Variants in P3H3 observed in about 807,000 individuals in gnomAD.
The protein encoded by P3H3 is prolyl 3-hydroxylase 3.
In P3H3, 64 loss-of-function variants were observed where a neutral mutation model predicts 78.1. The ratio of observed to expected loss-of-function variants is 0.82; its 90% confidence interval spans 0.67 to 1.01. The LOEUF is 1.01. Among genes scored for constraint, P3H3 ranks in the 50% least tolerant of loss-of-function variants. P3H3 has a pLI of 0.00. For missense variants in P3H3, 975 were observed against 982.2 expected, an observed-to-expected ratio of 0.99 and a Z score of 0.10; for synonymous variants, 425 against 416.7, an observed-to-expected ratio of 1.02 and a Z score of -0.24.
chr12:6,830,680 G>C lies in P3H3; in HGVS notation c.895G>C (p.Gly299Arg). ...CCTGCAGTGCCGGCAACGCTGTGTG[G>C]GGGAAACAGCCACACGCCCTGGTCG... ...QVLQCRQRCV[G>R]ETATRPGRSF... Residue 299 changes from glycine (G) to arginine (R), a missense_variant, in exon 4 of 15, where the codon GGG becomes CGG. Transcript: ENST00000290510. The C allele has an allele frequency of 2.5e-6, 4 of 1,613,568 alleles. No homozygotes were observed. The highest frequency in any genetic ancestry group is 3.4e-6 in the Non-Finnish European group (4 of 1,179,718).
At position 6,828,477 on chromosome 12, in the gene P3H3, C is replaced by T. The variant is rs1469908641; in HGVS notation, c.37C>T (p.Leu13=). 3.9e-6 allele frequency: 5 copies of T among 1,279,582 alleles called. No homozygotes were observed. The highest frequency in any genetic ancestry group is 5.2e-6 in the Non-Finnish European group (5 of 953,128). 79.3% of individuals were successfully genotyped at this position (1,279,582 alleles called of 1,614,324 possible). The change falls in exon 1 of 15, where the codon CTG becomes TTG. Residue 13 remains leucine (L), a synonymous_variant. Coordinates refer to ENST00000290510, the MANE Select transcript of P3H3 (RefSeq NM_014262.5). ...CCTCCGGCCGCTGCTGCTACTGCTG[C>T]TGCTGCCTCCCCCGGGGTCCCCTGA... is the stretch of plus-strand genomic sequence containing the variant. The part of the protein sequence containing the change: ...RLLRPLLLLL[L]LPPPGSPEPP...
intron 9 of P3H3, among the ~76,000 whole-genome samples, chr12:6,836,714 C>T (rs1943501161): frequency 6.6e-6 from 1 of 152,170 alleles, no homozygotes; most frequent in Admixed American, 6.5e-5. Context: ...TCTCAGAGGC[C>T]CCCTTACTGC....
In P3H3 at chr12:6,829,025, C is replaced by A; in HGVS notation, c.498+87C>A. 1 of 834,086 alleles carries A rather than the reference C, an allele frequency of 1.2e-6. No homozygotes were observed. Among genetic ancestry groups the A allele is most frequent in the Non-Finnish European group, 1.6e-6 (1 of 624,670 alleles). 51.7% of individuals were successfully genotyped at this position (834,086 alleles called of 1,614,324 possible). ...GCGTTGCCCAGGAGTAGGCGGAATG[C>A]TGTTGCCCGGGCCCCGCACGGGGCT... is the stretch of plus-strand genomic sequence containing the variant. On this transcript the variant is annotated intron_variant, in intron 1 of 14. Transcript: ENST00000290510. The surrounding 1 kb of genome is among the most constrained non-coding windows in gnomAD (Gnocchi z 5.1).
intron 13 of P3H3, 92 bp from the exon 14 acceptor site, chr12:6,838,908 T>C (rs782094214): frequency 1.5e-5 from 17 of 1,137,538 alleles, no homozygotes; most frequent in Non-Finnish European, 2.1e-5. Flanking sequence ...TGATCCTCTC[T>C]GTGCCCCTGT....
rs1281690931 is a variant in P3H3, at chr12:6,828,458, G to T, written c.18G>T (p.Arg6=). The part of the protein sequence containing the change: MLRLL[R]PLLLLLLLPP... ...CCGACATCATGCTCCGGCTCCTCCG[G>T]CCGCTGCTGCTACTGCTGCTGCTGC... Residue 6 remains arginine, a synonymous_variant, in exon 1 of 15, where the codon CGG becomes CGT. Coordinates refer to ENST00000290510, the MANE Select transcript of P3H3 (RefSeq NM_014262.5). 8.9e-7 allele frequency: 1 copy of T among 1,117,852 alleles called. No homozygotes were observed. The highest frequency in any genetic ancestry group is 1.6e-5 in the African/African-American group (1 of 61,618). 69.2% of individuals were successfully genotyped at this position (1,117,852 alleles called of 1,614,324 possible).
intron 14 of P3H3, 60 bp from the exon 15 acceptor site, chr12:6,839,237 T>C: frequency 6.4e-7 from 1 of 1,565,720 alleles, no homozygotes; most frequent in Non-Finnish European, 8.7e-7. Context: ...GGTCAGGGGC[T>C]GAGCTGACCC....
Position 6,837,567 on chromosome 12 carries a change from A to G in P3H3, c.1705A>G (p.Ile569Val), listed in dbSNP as rs782184510. 2.5e-6 allele frequency: 4 copies of G among 1,612,006 alleles called. No individual in the cohort carries two copies. The highest frequency in any genetic ancestry group is 1.3e-5 in the African/African-American group (1 of 74,808). The change falls in exon 11 of 15, where the codon ATA becomes GTA. Residue 569 changes from isoleucine (I) to valine (V), a missense_variant. Ile to Val is a conservative substitution (Grantham distance 29). Transcript: ENST00000290510. ...CACCCACCTGGTGTGCCGCAGCGCC[A>G]TAGAAGGTACGACAGGGACCCCCCA... ...SFTHLVCRSA[I>V]EGEQEQRMDL...
intron 13 of P3H3, among the ~76,000 whole-genome samples, chr12:6,838,746 G>A (rs782432167): frequency 6.6e-6 from 1 of 152,130 alleles, no homozygotes; most frequent in Non-Finnish European, 1.5e-5. Flanking sequence ...GGGTACCAGG[G>A]GTCAGGAACC....
chr12:6,838,771 C>T (rs1202398912), intron 13 of P3H3, among the ~76,000 whole-genome samples: 1 of 152,160 alleles, frequency 6.6e-6, no homozygotes, highest in Non-Finnish European at 1.5e-5. Context: ...GGAGACCATC[C>T]GTGGAGACCC....
intron 7 of P3H3, 36 bp from the exon 8 acceptor site, chr12:6,833,706 C>T (rs1555121725): frequency 3.7e-6 from 6 of 1,600,598 alleles, no homozygotes; most frequent in Admixed American, 3.3e-5. Context: ...TCTGGACTGT[C>T]CTGGGCACCC....
At position 6,838,023 on chromosome 12, in the gene P3H3, T is replaced by G; in HGVS notation, c.1895T>G (p.Leu632Arg). 6.2e-7 allele frequency: 1 copy of G among 1,605,148 alleles called. No individual in the cohort carries two copies. The highest frequency in any genetic ancestry group is 2.2e-5 in the East Asian group (1 of 44,546). The change falls in exon 13 of 15, where the codon CTC becomes CGC. Residue 632 changes from leucine to arginine, a missense_variant. Leu to Arg is a moderately radical substitution (Grantham distance 102). Coordinates refer to ENST00000290510, the MANE Select transcript of P3H3 (RefSeq NM_014262.5). Reference sequence around the variant, plus strand: ...CTGTTCTTCACGGAGCCCAACGCCCTCACTGTCACGGTGCGTGGAGTGGGG... The same window carrying G: ...CTGTTCTTCACGGAGCCCAACGCCCGCACTGTCACGGTGCGTGGAGTGGGG... ...GDLFFTEPNA[L>R]TVTARVRPRC...
chr12:6,839,110 G>T lies in P3H3; in HGVS notation c.2016G>T (p.Trp672Cys). The change falls in exon 14 of 15, where the codon TGG becomes TGT. Residue 672 changes from tryptophan to cysteine, a missense_variant. Trp to Cys is a radical substitution (Grantham distance 215). Transcript: ENST00000290510. ...TRGRRCALAL[W>C]HTWAPEHREQ... Reference sequence around the variant, plus strand: ...GACGGCGCTGTGCCCTGGCACTGTGGCACACGTGGGCACCTGAGCACAGGG... The same window carrying T: ...GACGGCGCTGTGCCCTGGCACTGTGTCACACGTGGGCACCTGAGCACAGGG... 6.2e-7 allele frequency: 1 copy of T among 1,606,922 alleles called. No homozygotes were observed. Among genetic ancestry groups the T allele is most frequent in the Non-Finnish European group, 8.5e-7 (1 of 1,178,156 alleles).
chr12:6,835,603 A>ATT (rs1555122013), intron 9 of P3H3, among the ~76,000 whole-genome samples: 14 of 151,952 alleles, frequency 9.2e-5, no homozygotes, highest in African/African-American at 3.4e-4. Context: ...AATTTTTTTA[A>ATT]ATAATTAATT....
chr12:6,830,085 T>G (rs1331662244), intron 2 of P3H3, 74 bp downstream of exon 2: 1 of 1,567,900 alleles, frequency 6.4e-7, no homozygotes, highest in East Asian at 2.3e-5. Flanking sequence ...CACTAAACTG[T>G]GCGTTGTGCT....
rs782219273 is a variant in P3H3, at chr12:6,839,115, C to G, written c.2021C>G (p.Thr674Arg). 6.2e-7 allele frequency: 1 copy of G among 1,606,204 alleles called. No homozygotes were observed. The highest frequency in any genetic ancestry group is 8.5e-7 in the Non-Finnish European group (1 of 1,177,806). Residue 674 changes from threonine to arginine, a missense_variant, in exon 14 of 15, where the codon ACG (threonine) becomes AGG (arginine). Coordinates refer to ENST00000290510, the MANE Select transcript of P3H3 (RefSeq NM_014262.5). ...GRRCALALWH[T>R]WAPEHREQEW... ...CGCTGTGCCCTGGCACTGTGGCACACGTGGGCACCTGAGCACAGGGAGCAG... is the reference window on the plus strand; with the variant it reads ...CGCTGTGCCCTGGCACTGTGGCACAGGTGGGCACCTGAGCACAGGGAGCAG...
In P3H3 at chr12:6,837,584, GACCCCCCAC is replaced by G. The variant is rs2068929368; in HGVS notation, c.1711+12_1711+20del. On this transcript the variant is annotated intron_variant, in intron 11 of 14. Transcript: ENST00000290510. ...GCAGCGCCATAGAAGGTACGACAGG[GACCCCCCAC>G]TGCTCTTCTCCAACCTCAGGCCCTG... The G allele has an allele frequency of 6.2e-7, 1 of 1,610,568 alleles. No individual in the cohort carries two copies. Among genetic ancestry groups the G allele is most frequent in the South Asian group, 1.1e-5 (1 of 90,476 alleles).
chr12:6,837,661 C>T (rs782270015), intron 11 of P3H3, 71 bp from the exon 12 acceptor site: 252 of 1,579,778 alleles, frequency 1.6e-4, no homozygotes, highest in African/African-American at 2.8e-4. Context: ...TGGACGTGCA[C>T]GGCCTGAGCC....
In P3H3 at chr12:6,839,600, G is replaced by GGGTGCA; in HGVS notation, c.*140_*141insGTGCAG. The GGGTGCA allele has an allele frequency of 9.7e-7, 1 of 1,035,572 alleles. No individual in the cohort carries two copies. The highest frequency in any genetic ancestry group is 1.4e-6 in the Non-Finnish European group (1 of 729,402). The allele number at this position is 1,035,572 out of a possible 1,614,324, so 64.1% of individuals were successfully genotyped here. A position where few individuals can be genotyped will look rare whatever the true frequency, so the allele number is the denominator to read the frequency against. ...TGTCCCTGCACCCCCACCATCTTGGGGACCTACAAGGGCCTGGACTCAGAG... is the reference window on the plus strand; with the variant it reads ...TGTCCCTGCACCCCCACCATCTTGGGGGTGCAGACCTACAAGGGCCTGGACTCAGAG... On this transcript the variant is annotated 3_prime_UTR_variant, in exon 15 of 15. Coordinates refer to ENST00000290510, the MANE Select transcript of P3H3 (RefSeq NM_014262.5).
intron 10 of P3H3, 33 bp downstream of exon 10, chr12:6,837,119 G>A (rs1555122269): frequency 2.6e-6 from 4 of 1,546,556 alleles, no homozygotes; most frequent in East Asian, 2.2e-5. Flanking sequence ...CCCGTCTGAT[G>A]CCCAGACCTG....
Sources: gnomAD v4.1 joint callset for allele counts (sites outside exome capture counted in the v4.1 genomes callset) on GRCh38, gnomAD v4.1.1 for gene constraint, Gnocchi (gnomAD v3.1) non-coding constraint, MANE v1.5 for transcripts, NCBI Gene and HGNC (gene_info 2026-07-23, HGNC 2026-07-21) for gene names.